DST: variants seen among roughly 807,000 people sequenced by gnomAD.
DST encodes dystonin, also known as bullous pemphigoid antigen.
DST carries 253 observed loss-of-function variants against 875.2 expected under a neutral mutation model. That is an observed-to-expected ratio of 0.29 (90% confidence interval 0.26 to 0.32). DST has a LOEUF of 0.32. Among genes scored for constraint, DST ranks in the 10% least tolerant of loss-of-function variants. The pLI is 1.00. For missense variants in DST, 8,287 were observed against 9,111.6 expected, an observed-to-expected ratio of 0.91 and a Z score of 3.68; for synonymous variants, 3,124 against 3,197.1, an observed-to-expected ratio of 0.98 and a Z score of 0.77.
At chr6:56,732,360 C>A (rs1449404590) in intron 5 of DST, among the ~76,000 whole-genome samples, 1 of 152,062 alleles carries the variant, frequency 6.6e-6, no homozygotes, top group Non-Finnish European at 1.5e-5. Flanking sequence ...TTTGGTACAT[C>A]ATGGGTTGTT....
Position 56,573,081 on chromosome 6 carries a change from A to G in DST, c.13237-17T>C. On this transcript the variant is annotated splice_polypyrimidine_tract_variant and intron_variant, in intron 51 of 103. Transcript: ENST00000680361. ...TTCCAACATCTAAAATAAACCAAAT[A>G]TTGCATATCTTTTATTATGATGCTT... 6.7e-7 allele frequency: 1 copy of G among 1,500,088 alleles called. No individual in the cohort carries two copies. The highest frequency in any genetic ancestry group is 1.4e-5 in the South Asian group (1 of 73,316). 92.9% of individuals were successfully genotyped at this position (1,500,088 alleles called of 1,614,324 possible). A position where few individuals can be genotyped will look rare whatever the true frequency, so the allele number is the denominator to read the frequency against.
Position 56,526,562 on chromosome 6 carries a change from C to A in DST, c.17928G>T (p.Leu5976=), listed in dbSNP as rs771628122. Residue 5976 remains leucine (L), a synonymous_variant, in exon 69 of 104, where the codon CTG becomes CTT. Coordinates refer to ENST00000680361, the MANE Select transcript of DST (RefSeq NM_001374736.1). ...ASQAQMRPKE[L]KKEAKNNKAL... ...CTTTGTTGTTCTTAGCTTCCTTTTTCAGTTCCTGAAAACATACAAATAAGT... is the reference window on the plus strand; with the variant it reads ...CTTTGTTGTTCTTAGCTTCCTTTTTAAGTTCCTGAAAACATACAAATAAGT... 6.2e-7 allele frequency: 1 copy of A among 1,613,192 alleles called. No homozygotes were observed. Among genetic ancestry groups the A allele is most frequent in the South Asian group, 1.1e-5 (1 of 90,996 alleles).
At chr6:56,573,601 A>T in intron 51 of DST, 78 bp downstream of exon 51, 1 of 1,085,624 alleles carries the variant, frequency 9.2e-7, no homozygotes, top group Non-Finnish European at 1.4e-6. Flanking sequence ...AGTTTATCTT[A>T]AATCTAACTA....
chr6:56,590,024 C>A (rs1454871596), intron 49 of DST, among the ~76,000 whole-genome samples: 1 of 152,180 alleles, frequency 6.6e-6, no homozygotes, highest in Non-Finnish European at 1.5e-5. Context: ...ATGGAGGCCA[C>A]CTAATCCTCA....
At chr6:56,724,772 T>C (rs1318854224) in intron 5 of DST, among the ~76,000 whole-genome samples, 2 of 152,230 alleles carry the variant, frequency 1.3e-5, no homozygotes, top group Admixed American at 6.5e-5. Flanking sequence ...TTCATCACTG[T>C]AATACTATTA....
At chr6:56,590,417 TA>T in intron 49 of DST, among the ~76,000 whole-genome samples, 1 of 152,236 alleles carries the variant, frequency 6.6e-6, no homozygotes, top group African/African-American at 2.4e-5. Context: ...TTTCTATACT[TA>T]AAATAACTTC....
At chr6:56,599,626 T>C (rs2098424431) in intron 45 of DST, among the ~76,000 whole-genome samples, 1 of 152,058 alleles carries the variant, frequency 6.6e-6, no homozygotes, top group Non-Finnish European at 1.5e-5. Flanking sequence ...GATATCTTTA[T>C]CTGTTGTTAC....
At chr6:56,558,572 C>A (rs2097470419) in intron 58 of DST, among the ~76,000 whole-genome samples, 1 of 152,010 alleles carries the variant, frequency 6.6e-6, no homozygotes, top group South Asian at 2.1e-4. Flanking sequence ...AACTAGTATC[C>A]CTGCTATTAA....
At chr6:56,651,086 A>T in intron 11 of DST, 46 bp downstream of exon 11, 1 of 1,591,508 alleles carries the variant, frequency 6.3e-7, no homozygotes, top group Non-Finnish European at 8.6e-7. Context: ...ATTACTTTTG[A>T]TCAGACTTTC....
intron 5 of DST, among the ~76,000 whole-genome samples, chr6:56,728,997 C>T (rs2099484917): frequency 6.9e-6 from 1 of 145,044 alleles, no homozygotes; most frequent in Admixed American, 6.7e-5. Context: ...CACACACACA[C>T]ACACACACAC....
chr6:56,768,741 A>C (rs1053434038), intron 4 of DST, among the ~76,000 whole-genome samples: 2 of 152,218 alleles, frequency 1.3e-5, no homozygotes, highest in Non-Finnish European at 2.9e-5. Context: ...CACTGTTAAG[A>C]AAATGAAAAG....
chr6:56,680,816 T>C lies in DST; in HGVS notation c.1048-10009A>G, dbSNP rs529931557. 9.1e-4 allele frequency among the ~76,000 whole-genome samples: 138 copies of C among 152,210 alleles called. 1 individual carries two copies. Among genetic ancestry groups the C allele is most frequent in the Non-Finnish European group, 1.8e-3 (124 of 67,996 alleles). The stretch of plus-strand genomic sequence containing the variant: ...TTGACTCCCACATCCCTATATCCCA[T>C]CCCAAACCTTATCCCTAAACCCATC... On this transcript the variant is annotated intron_variant, in intron 9 of 103. Transcript: ENST00000680361.
At chr6:56,587,702 C>A (rs565714263) in intron 49 of DST, among the ~76,000 whole-genome samples, 1 of 152,300 alleles carries the variant, frequency 6.6e-6, no homozygotes, top group African/African-American at 2.4e-5. Context: ...ATCAGACTAA[C>A]AGCAGATCTC....
chr6:56,902,895 C>T (rs764328595), intron 2 of DST, among the ~76,000 whole-genome samples: 12 of 151,732 alleles, frequency 7.9e-5, no homozygotes, highest in Non-Finnish European at 1.5e-4. Flanking sequence ...CTGGACATTC[C>T]CCATCCACCC....
intron 3 of DST, among the ~76,000 whole-genome samples, chr6:56,860,924 A>G (rs1448141903): frequency 6.6e-6 from 1 of 152,148 alleles, no homozygotes; most frequent in Non-Finnish European, 1.5e-5. Context: ...TGTAATTCAG[A>G]AGGTTTTTTT....
chr6:56,478,109 A>C (rs1200884768), intron 90 of DST, among the ~76,000 whole-genome samples: 1 of 152,256 alleles, frequency 6.6e-6, no homozygotes, highest in African/African-American at 2.4e-5. Context: ...AATGGAGAAT[A>C]GCATTGGGAG....
Position 56,528,925 on chromosome 6 carries a change from C to A in DST, c.17596G>T (p.Val5866Phe). Residue 5866 changes from valine (V) to phenylalanine (F), a missense_variant and splice_region_variant, in exon 67 of 104, where the codon GTT becomes TTT. Val to Phe is a conservative substitution (Grantham distance 50). This residue lies in a region of DST where 777 missense variants were observed against 764.8 expected (regional missense o/e 1.02). Coordinates refer to ENST00000680361, the MANE Select transcript of DST (RefSeq NM_001374736.1). ...CTGAGTAAGATGTCCTCTTGCAGAA[C>A]CTGAAAACACAGGTACCATTTTTAT... ...GLWKQQSELR[V>F]LQEDILLRKQ... 6.4e-7 allele frequency: 1 copy of A among 1,574,020 alleles called. No homozygotes were observed. Among genetic ancestry groups the A allele is most frequent in the Non-Finnish European group, 8.6e-7 (1 of 1,156,268 alleles).
chr6:56,866,937 CTTAT>C (rs1232363857), intron 3 of DST, among the ~76,000 whole-genome samples: 2 of 152,090 alleles, frequency 1.3e-5, no homozygotes, highest in African/African-American at 4.8e-5. Flanking sequence ...TTAGTTTTTT[CTTAT>C]TTATCTTTAT....
intron 5 of DST, among the ~76,000 whole-genome samples, chr6:56,710,188 G>C (rs923456628): frequency 6.6e-6 from 1 of 152,088 alleles, no homozygotes; most frequent in African/African-American, 2.4e-5. Context: ...ATAGAGGAAA[G>C]GTCCCTCAGG....
Sources: gnomAD v4.1 joint callset for allele counts (sites outside exome capture counted in the v4.1 genomes callset) on GRCh38, gnomAD v4.1.1 for gene constraint, gnomAD v4.1.1 regional missense constraint, MANE v1.5 for transcripts, NCBI Gene and HGNC (gene_info 2026-07-23, HGNC 2026-07-21) for gene names.